The following FBXW11 variants were observed in gnomAD, a reference collection of about 807,000 sequenced individuals.
FBXW11 encodes the protein F-box/WD repeat-containing protein 11.
A neutral mutation model predicts 77.6 loss-of-function variants in FBXW11; 19 were observed. The observed-to-expected ratio is 0.24, with a 90% confidence interval of 0.17 to 0.36. FBXW11 has a LOEUF of 0.36. Ranked by LOEUF, FBXW11 falls within the 10% of genes least tolerant of loss-of-function variation. The pLI, the probability that FBXW11 is intolerant of heterozygous loss-of-function variation, is 1.00. For synonymous variants in FBXW11, 235 were observed against 249.4 expected, an observed-to-expected ratio of 0.94 and a Z score of 0.54; for missense variants, 334 against 704.2, an observed-to-expected ratio of 0.47 and a Z score of 5.95.
intron 1 of FBXW11, among the ~76,000 whole-genome samples, chr5:172,002,696 CTT>C (rs34300477): frequency 6.2e-5 from 6 of 97,054 alleles, no homozygotes; most frequent in South Asian, 3.3e-4. Flanking sequence ...TTTTTCTTTT[CTT>C]TTTTTTTTTT....
intron 2 of FBXW11, among the ~76,000 whole-genome samples, chr5:171,914,674 G>A (rs1761113792): frequency 6.6e-6 from 1 of 152,166 alleles, no homozygotes; most frequent in East Asian, 1.9e-4. Flanking sequence ...AATTGTGGGA[G>A]TAAGGCTGAG....
chr5:171,963,143 G>A (rs1763994879), intron 1 of FBXW11, among the ~76,000 whole-genome samples: 1 of 151,712 alleles, frequency 6.6e-6, no homozygotes, highest in South Asian at 2.1e-4. Flanking sequence ...TATTCTCCAG[G>A]AGCTCACAGA....
rs149420706 is a variant in FBXW11 at position 171,981,764 on chromosome 5, T to G, written c.46-24066A>C. Among the ~76,000 whole-genome samples, 275 of 152,336 alleles carry G rather than the reference T, an allele frequency of 1.8e-3. 1 individual carries two copies. The highest frequency in any genetic ancestry group is 6.8e-3 in the Middle Eastern group (2 of 294). On this transcript the variant is annotated intron_variant, in intron 1 of 13. Coordinates refer to ENST00000517395, the MANE Select transcript of FBXW11 (RefSeq NM_001378974.1). ...AATACAAATGCTCACCCAAGTTTTA[T>G]TCATAATAGCCAAACGCAGGAAACA...
chr5:172,004,338 A>G (rs903311938), intron 1 of FBXW11, among the ~76,000 whole-genome samples: 1 of 152,228 alleles, frequency 6.6e-6, no homozygotes, highest in Non-Finnish European at 1.5e-5. Flanking sequence ...TAATCGTAAT[A>G]TAACTAAACT....
rs1269932201 is a variant in FBXW11, at chr5:171,876,032, CTT to C, written c.1221+251_1221+252del. 1.3e-5 allele frequency among the ~76,000 whole-genome samples: 2 copies of C among 152,182 alleles called. No homozygotes were observed. The highest frequency in any genetic ancestry group is 2.4e-5 in the African/African-American group (1 of 41,444). On this transcript the variant is annotated intron_variant, in intron 9 of 13. Transcript: ENST00000517395. The surrounding 1 kb of genome is among the most constrained non-coding windows in gnomAD (Gnocchi z 4.2). Reference sequence around the variant, plus strand: ...AATACATGATCAACACGTTAGCACTCTTCCCCTTAAAAAGGTGATCAAGAATT... The same window carrying C: ...AATACATGATCAACACGTTAGCACTCCCCCTTAAAAAGGTGATCAAGAATT...
chr5:171,908,090 T>C (rs1204887364), intron 4 of FBXW11, among the ~76,000 whole-genome samples: 1 of 152,064 alleles, frequency 6.6e-6, no homozygotes, highest in East Asian at 1.9e-4. Context: ...GAGGGACAAA[T>C]ACAATCACCA....
intron 6 of FBXW11, among the ~76,000 whole-genome samples, chr5:171,895,051 C>T (rs1335921850): frequency 6.6e-6 from 1 of 152,174 alleles, no homozygotes; most frequent in Non-Finnish European, 1.5e-5. Context: ...CCTAACCATT[C>T]CCAGGAAGAG....
At chr5:171,958,197 C>T (rs1032025762) in intron 1 of FBXW11, among the ~76,000 whole-genome samples, 44 of 152,118 alleles carry the variant, frequency 2.9e-4, no homozygotes, top group African/African-American at 1.1e-3. Flanking sequence ...TTAAGTGATT[C>T]GCGCAAGGAC....
At chr5:171,871,340 C>T (rs1310381633) in intron 10 of FBXW11, among the ~76,000 whole-genome samples, 1 of 151,940 alleles carries the variant, frequency 6.6e-6, no homozygotes, top group African/African-American at 2.4e-5. Context: ...GGGGGTTAAG[C>T]TTCCGCCCCA....
intron 1 of FBXW11, among the ~76,000 whole-genome samples, chr5:172,004,098 TG>T (rs148146357): frequency 0.021 from 3,219 of 152,296 alleles, 118 homozygotes; most frequent in African/African-American, 0.073. Flanking sequence ...AACCCAGTTC[TG>T]GAAACTGTAA....
chr5:171,875,248 TTTAAAAAAAA>T (rs1758002566), intron 9 of FBXW11, among the ~76,000 whole-genome samples: 1 of 46,654 alleles, frequency 2.1e-5, no homozygotes, highest in Non-Finnish European at 5.2e-5. Context: ...CATCTGTACT[TTTAAAAAAAA>T]AAAAAAAAAA....
At position 171,869,206 on chromosome 5, in the gene FBXW11, A is replaced by G. The variant is rs908915651; in HGVS notation, c.1531-410T>C. 3.9e-5 allele frequency among the ~76,000 whole-genome samples: 6 copies of G among 152,236 alleles called. No homozygotes were observed. The highest frequency in any genetic ancestry group is 8.8e-5 in the Non-Finnish European group (6 of 68,038). Reference sequence around the variant, plus strand: ...TCAAAATTCATGGTGAAATAATAATATAAGAGTTCCCATTAAAATCAAGAA... The same window carrying G: ...TCAAAATTCATGGTGAAATAATAATGTAAGAGTTCCCATTAAAATCAAGAA... On this transcript the variant is annotated intron_variant, in intron 12 of 13. Transcript: ENST00000517395. The surrounding 1 kb of genome is among the most constrained non-coding windows in gnomAD (Gnocchi z 4.1).
At chr5:171,973,105 T>C (rs183861650) in intron 1 of FBXW11, among the ~76,000 whole-genome samples, 6 of 152,324 alleles carry the variant, frequency 3.9e-5, no homozygotes, top group African/African-American at 1.2e-4. Flanking sequence ...CAGGTTTGTT[T>C]TGGGTTTTAT....
intron 1 of FBXW11, among the ~76,000 whole-genome samples, chr5:171,989,281 G>A (rs1316644868): frequency 1.3e-5 from 2 of 152,242 alleles, no homozygotes; most frequent in African/African-American, 4.8e-5. Flanking sequence ...ATGAAACAGG[G>A]TATTTACAAG....
intron 2 of FBXW11, among the ~76,000 whole-genome samples, chr5:171,952,851 G>C (rs1265421814): frequency 1.3e-5 from 2 of 151,822 alleles, no homozygotes; most frequent in Non-Finnish European, 2.9e-5. Flanking sequence ...AATATTATGA[G>C]ATTTTTTTTC....
chr5:171,899,817 G>T, intron 5 of FBXW11, 97 bp downstream of exon 5: 26 of 1,083,686 alleles, frequency 2.4e-5, no homozygotes, highest in Middle Eastern at 3.2e-4. Context: ...TTAAAAATAG[G>T]CCAGCACATT....
chr5:171,868,578 G>A, intron 13 of FBXW11, 32 bp downstream of exon 13: 1 of 1,534,576 alleles, frequency 6.5e-7, no homozygotes, highest in East Asian at 2.3e-5. Context: ...AATTCAATCA[G>A]CAAAATTGGA....
intron 13 of FBXW11, among the ~76,000 whole-genome samples, chr5:171,865,139 C>T (rs1177826434): frequency 6.6e-6 from 1 of 151,968 alleles, no homozygotes. Context: ...TTAAGGGAAC[C>T]TGAATTATTT....
At chr5:171,998,481 C>A (rs1766204302) in intron 1 of FBXW11, among the ~76,000 whole-genome samples, 1 of 151,100 alleles carries the variant, frequency 6.6e-6, no homozygotes, top group Admixed American at 6.6e-5. Context: ...AGCCTAAAGC[C>A]CACAATATTA....
Sources: allele counts gnomAD v4.1 joint callset (sites outside exome capture counted in the v4.1 genomes callset), GRCh38; gene constraint gnomAD v4.1.1; non-coding constraint Gnocchi (gnomAD v3.1); transcripts MANE v1.5; gene names NCBI Gene and HGNC (gene_info 2026-07-23, HGNC 2026-07-21).